RAI14: variants seen among roughly 807,000 people sequenced by gnomAD.
RAI14 encodes retinoic acid induced 14.
Under a neutral mutation model 115.4 loss-of-function variants are expected in RAI14, and 45 were observed. That is an observed-to-expected ratio of 0.39 (90% CI 0.31 to 0.50). The LOEUF (loss-of-function observed/expected upper bound fraction) is 0.50. RAI14 is among the 20% of genes least tolerant of loss of function. The pLI, the probability that RAI14 is intolerant of heterozygous loss-of-function variation, is 0.85. For missense variants in RAI14, 939 were observed against 1,131.2 expected, an observed-to-expected ratio of 0.83 and a Z score of 2.44; for synonymous variants, 371 against 415.4, an observed-to-expected ratio of 0.89 and a Z score of 1.30.
At chr5:34,811,992 A>C in intron 9 of RAI14, 47 bp downstream of exon 9, 1 of 1,476,932 alleles carries the variant, frequency 6.8e-7, no homozygotes, top group Non-Finnish European at 9.3e-7. Context: ...TATCCACTCC[A>C]TTTTCCCCAA....
At chr5:34,679,123 G>C (rs1744205870) in intron 1 of RAI14, among the ~76,000 whole-genome samples, 1 of 152,216 alleles carries the variant, frequency 6.6e-6, no homozygotes, top group African/African-American at 2.4e-5. Flanking sequence ...TCATGAGGTT[G>C]AGTAGGTGTG....
At chr5:34,782,749 A>G (rs1241849460) in intron 3 of RAI14, among the ~76,000 whole-genome samples, 1 of 152,188 alleles carries the variant, frequency 6.6e-6, no homozygotes. Context: ...CATATTCCTT[A>G]TCATTTCTAC....
At chr5:34,753,844 G>A (rs1425025787) in intron 2 of RAI14, among the ~76,000 whole-genome samples, 1 of 151,738 alleles carries the variant, frequency 6.6e-6, no homozygotes, top group Non-Finnish European at 1.5e-5. Context: ...AACCCAGGAA[G>A]CGGAGGTTGC....
intron 2 of RAI14, among the ~76,000 whole-genome samples, chr5:34,754,891 G>C (rs73763464): frequency 2.0e-5 from 3 of 151,956 alleles, no homozygotes; most frequent in Non-Finnish European, 4.4e-5. Flanking sequence ...CCTTAGCAAC[G>C]TTGAAAAGGA....
chr5:34,773,195 T>C (rs147837133), intron 3 of RAI14, among the ~76,000 whole-genome samples: 1 of 152,146 alleles, frequency 6.6e-6, no homozygotes, highest in East Asian at 1.9e-4. Flanking sequence ...TGTGGGAAAA[T>C]TGGATATCCA....
intron 2 of RAI14, among the ~76,000 whole-genome samples, chr5:34,708,713 A>G (rs1008189787): frequency 1.6e-4 from 24 of 152,240 alleles, no homozygotes; most frequent in Admixed American, 1.6e-3. Flanking sequence ...TGAAAATAAA[A>G]TGTCAGTAGT....
intron 1 of RAI14, among the ~76,000 whole-genome samples, chr5:34,661,051 T>G (rs777584120): frequency 4.7e-4 from 71 of 152,236 alleles, no homozygotes; most frequent in Non-Finnish European, 8.7e-4. Flanking sequence ...TTGCCGTGTA[T>G]AGGTTGAGTA....
chr5:34,739,255 T>A (rs1464913550), intron 2 of RAI14, among the ~76,000 whole-genome samples: 3 of 152,216 alleles, frequency 2.0e-5, no homozygotes, highest in Admixed American at 2.0e-4. Flanking sequence ...GAGGCTACTC[T>A]TATTATCTCG....
intron 2 of RAI14, among the ~76,000 whole-genome samples, chr5:34,701,311 C>T (rs1413001598): frequency 1.3e-5 from 2 of 152,250 alleles, no homozygotes; most frequent in Admixed American, 1.3e-4. Context: ...CCCTGCAAAG[C>T]TCCTTCTTTG....
In RAI14 at chr5:34,683,774, G is replaced by C. The variant is rs755990448; in HGVS notation, c.-48-3098G>C. On this transcript the variant is annotated intron_variant, in intron 1 of 17. Coordinates refer to ENST00000265109, the MANE Select transcript of RAI14 (RefSeq NM_015577.3). ...ATGGAGTCTCACTCTGTCGCCCAGG[G>C]TGGAGTGCAGTGGCGCGATATCGGC... Among the ~76,000 whole-genome samples the C allele has an allele frequency of 2.0e-4, 30 of 151,708 alleles. 1 individual carries two copies. The highest frequency in any genetic ancestry group is 2.1e-4 in the South Asian group (1 of 4,790).
chr5:34,776,625 G>A (rs1342001299), intron 3 of RAI14, among the ~76,000 whole-genome samples: 1 of 151,682 alleles, frequency 6.6e-6, no homozygotes, highest in Non-Finnish European at 1.5e-5. Flanking sequence ...GGGCAACATG[G>A]CAAAAACCTG....
chr5:34,671,682 G>A (rs1346290110), intron 1 of RAI14, among the ~76,000 whole-genome samples: 1 of 151,974 alleles, frequency 6.6e-6, no homozygotes, highest in East Asian at 1.9e-4. Context: ...TTTATCTAGT[G>A]TATCCAAAAT....
chr5:34,729,500 A>C (rs943307520), intron 2 of RAI14, among the ~76,000 whole-genome samples: 16 of 152,236 alleles, frequency 1.1e-4, no homozygotes, highest in African/African-American at 3.6e-4. Flanking sequence ...AAAAGAGAGA[A>C]GCCACCAGAC....
chr5:34,799,282 C>G (rs1580299669), intron 4 of RAI14, among the ~76,000 whole-genome samples: 3 of 152,106 alleles, frequency 2.0e-5, no homozygotes, highest in African/African-American at 7.2e-5. Context: ...ATCACTAGTC[C>G]TAAACGTTTG....
At chr5:34,692,239 G>A (rs1007255421) in intron 2 of RAI14, among the ~76,000 whole-genome samples, 1 of 151,460 alleles carries the variant, frequency 6.6e-6, no homozygotes, top group Non-Finnish European at 1.5e-5. Context: ...CTTCAGCCTG[G>A]GCGACAGAGC....
At chr5:34,714,427 A>G (rs1741770785) in intron 2 of RAI14, among the ~76,000 whole-genome samples, 1 of 152,190 alleles carries the variant, frequency 6.6e-6, no homozygotes, top group Non-Finnish European at 1.5e-5. Context: ...AAAACTAAGT[A>G]TATGTGCCTT....
intron 2 of RAI14, among the ~76,000 whole-genome samples, chr5:34,705,379 T>G (rs891361118): frequency 6.6e-6 from 1 of 152,160 alleles, no homozygotes; most frequent in Non-Finnish European, 1.5e-5. Context: ...TTGCCTATAT[T>G]GTTATTTTAA....
rs1270956447 is a variant in RAI14 at position 34,831,580 on chromosome 5, C to T, written c.*815C>T. ...AAAGAAATGCCTCATAGTTCTTAAC[C>T]TCAACTTTTGTAGAAGTATTTTTTT... On this transcript the variant is annotated 3_prime_UTR_variant, in exon 18 of 18. Transcript: ENST00000265109. 1.3e-5 allele frequency: 2 copies of T among 152,530 alleles called. No individual in the cohort carries two copies. Among genetic ancestry groups the T allele is most frequent in the East Asian group, 3.8e-4 (2 of 5,198 alleles). The allele number at this position is 152,530 out of a possible 1,614,324, so 9.4% of individuals were successfully genotyped here.
At chr5:34,683,065 T>C (rs1179237278) in intron 1 of RAI14, among the ~76,000 whole-genome samples, 3 of 152,202 alleles carry the variant, frequency 2.0e-5, no homozygotes, top group Admixed American at 1.3e-4. Context: ...GAAGAGATGC[T>C]GAGACAGCTG....
Sources: allele counts gnomAD v4.1 joint callset (sites outside exome capture counted in the v4.1 genomes callset), GRCh38; gene constraint gnomAD v4.1.1; transcripts MANE v1.5; gene names NCBI Gene and HGNC (gene_info 2026-07-23, HGNC 2026-07-21).